Variants in LINGO2 observed in about 807,000 individuals in gnomAD.
The protein encoded by LINGO2 is leucine rich repeat and Ig domain containing 2.
Under a neutral mutation model 30.6 loss-of-function variants are expected in LINGO2, and 14 were observed. That is an observed-to-expected ratio of 0.46 (90% CI 0.30 to 0.72). The LOEUF is 0.72. Among genes scored for constraint, LINGO2 ranks in the 30% least tolerant of loss-of-function variants. LINGO2 has a pLI of 0.07. For synonymous variants in LINGO2, 317 were observed against 288.5 expected, an observed-to-expected ratio of 1.10 and a Z score of -1.00; for missense variants, 729 against 751.7, an observed-to-expected ratio of 0.97 and a Z score of 0.35.
the LINGO2 span, among the ~76,000 whole-genome samples, chr9:29,089,721 C>A: frequency 0.041 from 6,267 of 152,082 alleles, 198 homozygotes; most frequent in Admixed American, 0.08. Context: ...ATATTTGTTT[C>A]ATGAGTTAGT....
At chr9:28,466,644 T>A (rs1564217498) in intron 2 of LINGO2, among the ~76,000 whole-genome samples, 3 of 152,178 alleles carry the variant, frequency 2.0e-5, no homozygotes, top group Non-Finnish European at 4.4e-5. Context: ...AGGTGATAGA[T>A]ACCCCATTTA....
chr9:28,069,039 A>G (rs967294), intron 4 of LINGO2, among the ~76,000 whole-genome samples: 110,491 of 151,936 alleles, frequency 0.73, 40,592 homozygotes, highest in East Asian at 0.97. Flanking sequence ...ACAGAGAAGC[A>G]GAAGATAAAA....
At chr9:29,102,732 T>A in the LINGO2 span, among the ~76,000 whole-genome samples, 58 of 152,274 alleles carry the variant, frequency 3.8e-4, no homozygotes, top group South Asian at 0.012. Flanking sequence ...TATTTTTACA[T>A]AGTAAAATAA....
chr9:29,152,305 A>G, the LINGO2 span, among the ~76,000 whole-genome samples: 1 of 152,290 alleles, frequency 6.6e-6, no homozygotes, highest in African/African-American at 2.4e-5. Context: ...CATTCTCATT[A>G]ATAGGTATAT....
chr9:28,234,437 G>T (rs1418550765), intron 4 of LINGO2, among the ~76,000 whole-genome samples: 1 of 152,194 alleles, frequency 6.6e-6, no homozygotes, highest in African/African-American at 2.4e-5. Flanking sequence ...GCAAAGTATT[G>T]TTCTTGGGTG....
chr9:28,077,565 T>TGGAAAATCTAGCACTTGAATATAAAC (rs1563961000), intron 4 of LINGO2, among the ~76,000 whole-genome samples: 4 of 149,894 alleles, frequency 2.7e-5, no homozygotes, highest in African/African-American at 7.6e-5. Context: ...GCATCAAAAC[T>TGGAAAATCTAGCACTTGAATATAAAC]ATTATCTTAT....
rs1369172886 is a variant in LINGO2, at chr9:28,044,123, ATG to A, written c.-86-31720_-86-31719del. ...GAGGAATGCTTGAATCAACTACACT[ATG>A]TGTGTTTGCTTAAATCTTGGGCATG... is the stretch of plus-strand genomic sequence containing the variant. On this transcript the variant is annotated intron_variant, in intron 4 of 5. Transcript: ENST00000379992. 8.5e-5 allele frequency among the ~76,000 whole-genome samples: 13 copies of A among 152,224 alleles called. No homozygotes were observed. The South Asian group carries it at 2.5e-3, about 29-fold the overall frequency.
the LINGO2 span, among the ~76,000 whole-genome samples, chr9:29,205,813 G>A: frequency 6.6e-6 from 1 of 152,100 alleles, no homozygotes; most frequent in South Asian, 2.1e-4. Context: ...ACAGATTTGT[G>A]CAACCATCAG....
chr9:29,192,375 C>T, the LINGO2 span, among the ~76,000 whole-genome samples: 3 of 152,220 alleles, frequency 2.0e-5, no homozygotes, highest in Middle Eastern at 6.8e-3. Flanking sequence ...AACAGAAGCA[C>T]TTTTGTAAAG....
the LINGO2 span, among the ~76,000 whole-genome samples, chr9:28,898,737 A>G: frequency 6.6e-6 from 1 of 152,156 alleles, no homozygotes; most frequent in African/African-American, 2.4e-5. Context: ...ACACAGACAC[A>G]AAGAAGGAAA....
At chr9:29,150,066 A>C in the LINGO2 span, among the ~76,000 whole-genome samples, 1 of 152,196 alleles carries the variant, frequency 6.6e-6, no homozygotes, top group African/African-American at 2.4e-5. Flanking sequence ...GAACATTCTG[A>C]AATACAAAAG....
intron 4 of LINGO2, among the ~76,000 whole-genome samples, chr9:28,268,954 C>G (rs1822847371): frequency 6.6e-6 from 1 of 152,088 alleles, no homozygotes; most frequent in South Asian, 2.1e-4. Flanking sequence ...CATCTACTCA[C>G]TTTGGCAGTG....
At chr9:28,038,473 C>G (rs974457095) in intron 4 of LINGO2, among the ~76,000 whole-genome samples, 3 of 152,092 alleles carry the variant, frequency 2.0e-5, no homozygotes, top group Non-Finnish European at 4.4e-5. Context: ...GCGGGCGGAT[C>G]ACGAGGTCAG....
At chr9:29,169,243 C>T in the LINGO2 span, among the ~76,000 whole-genome samples, 7 of 152,076 alleles carry the variant, frequency 4.6e-5, no homozygotes, top group South Asian at 6.2e-4. Context: ...CCACCACACC[C>T]GGCCCCAAAA....
chr9:28,522,227 A>G (rs1820853640), intron 1 of LINGO2, among the ~76,000 whole-genome samples: 1 of 152,214 alleles, frequency 6.6e-6, no homozygotes, highest in South Asian at 2.1e-4. Context: ...GAAAAAGGTG[A>G]TCTCACATTA....
intron 4 of LINGO2, among the ~76,000 whole-genome samples, chr9:28,027,460 C>A (rs1823437808): frequency 6.6e-6 from 1 of 151,968 alleles, no homozygotes; most frequent in Non-Finnish European, 1.5e-5. Flanking sequence ...CACATAATCA[C>A]AAAAAAATTA....
chr9:28,173,740 T>C (rs1381718719), intron 4 of LINGO2, among the ~76,000 whole-genome samples: 1 of 152,240 alleles, frequency 6.6e-6, no homozygotes, highest in Non-Finnish European at 1.5e-5. Context: ...GTGAGGAAAT[T>C]ATTTTTCATT....
intron 2 of LINGO2, among the ~76,000 whole-genome samples, chr9:28,398,227 C>A (rs10968560): frequency 0.079 from 12,047 of 152,080 alleles, 686 homozygotes; most frequent in Admixed American, 0.12. Context: ...ATGATATATA[C>A]GGGGACTCTG....
chr9:29,050,218 G>T, the LINGO2 span, among the ~76,000 whole-genome samples: 1 of 152,078 alleles, frequency 6.6e-6, no homozygotes, highest in Middle Eastern at 3.2e-3. Context: ...TAGAGATGGG[G>T]TTTCACCATG....
Sources: gnomAD v4.1 joint callset for allele counts (sites outside exome capture counted in the v4.1 genomes callset) on GRCh38, gnomAD v4.1.1 for gene constraint, MANE v1.5 for transcripts, NCBI Gene and HGNC (gene_info 2026-07-23, HGNC 2026-07-21) for gene names.